The following FHOD3 variants were observed in gnomAD, a reference collection of about 807,000 sequenced individuals.
FHOD3 encodes the protein formin homology 2 domain containing 3, also known as FH1/FH2 domain-containing protein 3.
A neutral mutation model predicts 173.0 loss-of-function variants in FHOD3; 90 were observed. That is an observed-to-expected ratio of 0.52 (90% CI 0.44 to 0.62). FHOD3 has a LOEUF of 0.62. Among genes scored for constraint, FHOD3 ranks in the 20% least tolerant of loss-of-function variants. The pLI, the probability that FHOD3 is intolerant of heterozygous loss-of-function variation, is 0.00. For missense variants in FHOD3, 1,945 were observed against 2,034.7 expected (o/e 0.96, Z 0.85); for synonymous variants, 828 against 823.0 (o/e 1.01, Z -0.10).
chr18:36,706,598 T>A (rs1600334887), intron 17 of FHOD3, among the ~76,000 whole-genome samples: 1 of 152,194 alleles, frequency 6.6e-6, no homozygotes, highest in African/African-American at 2.4e-5. Flanking sequence ...GAGTCCTGCA[T>A]GTTCAGTGGA....
chr18:36,309,078 G>A (rs1413124102), intron 1 of FHOD3, among the ~76,000 whole-genome samples: 1 of 152,166 alleles, frequency 6.6e-6, no homozygotes, highest in African/African-American at 2.4e-5. Flanking sequence ...TGCTGTCCTG[G>A]ATGGTGTGGG....
chr18:36,327,591 T>C (rs974175748), intron 1 of FHOD3, among the ~76,000 whole-genome samples: 1 of 152,204 alleles, frequency 6.6e-6, no homozygotes, highest in African/African-American at 2.4e-5. Flanking sequence ...ACACAGCTGG[T>C]GAACAGCAGT....
intron 2 of FHOD3, among the ~76,000 whole-genome samples, chr18:36,367,369 G>T (rs1234709855): frequency 6.6e-6 from 1 of 152,176 alleles, no homozygotes; most frequent in Non-Finnish European, 1.5e-5. Flanking sequence ...AAGAGTGGCT[G>T]TTCAGAAGCT....
chr18:36,579,166 C>T (rs1037306457), intron 6 of FHOD3, among the ~76,000 whole-genome samples: 3 of 152,114 alleles, frequency 2.0e-5, no homozygotes, highest in Admixed American at 6.5e-5. Flanking sequence ...TCATTTGGAA[C>T]CTGCTCCCTC....
chr18:36,490,626 A>C (rs921604116), intron 3 of FHOD3, among the ~76,000 whole-genome samples: 1 of 152,164 alleles, frequency 6.6e-6, no homozygotes, highest in Non-Finnish European at 1.5e-5. Context: ...GGGCTCCTTC[A>C]TTTGACACCT....
intron 14 of FHOD3, among the ~76,000 whole-genome samples, chr18:36,668,125 A>G (rs1269381130): frequency 4.6e-5 from 7 of 152,168 alleles, no homozygotes; most frequent in Non-Finnish European, 1.0e-4. Flanking sequence ...AGAATTCACC[A>G]TGAGGACATC....
chr18:36,434,318 A>G (rs972275260), intron 3 of FHOD3, among the ~76,000 whole-genome samples: 2 of 152,206 alleles, frequency 1.3e-5, no homozygotes, highest in South Asian at 2.1e-4. Flanking sequence ...TGGAAATACT[A>G]TCTTTTCCTG....
chr18:36,567,727 T>A (rs2058314849), intron 5 of FHOD3, among the ~76,000 whole-genome samples: 1 of 152,176 alleles, frequency 6.6e-6, no homozygotes. Flanking sequence ...AACCCAGAAG[T>A]GGACTTGGGT....
chr18:36,338,715 C>T (rs1453428799), intron 1 of FHOD3, among the ~76,000 whole-genome samples: 1 of 152,098 alleles, frequency 6.6e-6, no homozygotes, highest in Non-Finnish European at 1.5e-5. Flanking sequence ...AAAGCTTTTC[C>T]TAGAAGTCCG....
intron 6 of FHOD3, among the ~76,000 whole-genome samples, chr18:36,579,943 GAA>G (rs371900955): frequency 7.0e-6 from 1 of 141,966 alleles, no homozygotes; most frequent in African/African-American, 2.6e-5. Context: ...GAGCAGCAGA[GAA>G]AAAAAAAAAC....
intron 6 of FHOD3, among the ~76,000 whole-genome samples, chr18:36,587,049 C>T (rs78389707): frequency 0.012 from 1,876 of 152,182 alleles, 35 homozygotes; most frequent in African/African-American, 0.043. Flanking sequence ...AAATCAGCTC[C>T]TCAGTTCGAG....
At chr18:36,372,130 A>C (rs577039478) in intron 2 of FHOD3, among the ~76,000 whole-genome samples, 1 of 152,276 alleles carries the variant, frequency 6.6e-6, no homozygotes, top group East Asian at 1.9e-4. Flanking sequence ...TGTGGTGTAA[A>C]TTGACGTTTC....
chr18:36,393,062 G>A (rs1404159410), intron 3 of FHOD3, among the ~76,000 whole-genome samples: 2 of 152,208 alleles, frequency 1.3e-5, no homozygotes, highest in Non-Finnish European at 2.9e-5. Flanking sequence ...GAGAAAGAAA[G>A]ATTAAAATTA....
At chr18:36,419,947 C>T (rs1425931221) in intron 3 of FHOD3, among the ~76,000 whole-genome samples, 1 of 152,254 alleles carries the variant, frequency 6.6e-6, no homozygotes, top group Admixed American at 6.5e-5. Flanking sequence ...AAAGCTTTGC[C>T]ACTTCCTTGA....
intron 18 of FHOD3, among the ~76,000 whole-genome samples, chr18:36,715,834 T>C (rs1032902486): frequency 8.5e-5 from 13 of 152,130 alleles, no homozygotes; most frequent in African/African-American, 3.1e-4. Flanking sequence ...GAAGATATGG[T>C]TTGAGTAAAG....
chr18:36,653,826 T>A (rs2036229976), intron 13 of FHOD3, among the ~76,000 whole-genome samples: 1 of 152,236 alleles, frequency 6.6e-6, no homozygotes, highest in African/African-American at 2.4e-5. Flanking sequence ...TGACATTTAT[T>A]GAGCATTGTT....
intron 27 of FHOD3, among the ~76,000 whole-genome samples, chr18:36,763,706 A>G (rs1417708087): frequency 6.6e-6 from 1 of 151,160 alleles, no homozygotes; most frequent in Non-Finnish European, 1.5e-5. Flanking sequence ...ATATATATGT[A>G]TGGATTCTAC....
chr18:36,460,070 G>T (rs2052460295), intron 3 of FHOD3, among the ~76,000 whole-genome samples: 1 of 152,170 alleles, frequency 6.6e-6, no homozygotes, highest in South Asian at 2.1e-4. Context: ...TTAGAATGGG[G>T]TTATATGCTT....
At chr18:36,452,826 A>T (rs575994071) in intron 3 of FHOD3, among the ~76,000 whole-genome samples, 13 of 151,872 alleles carry the variant, frequency 8.6e-5, no homozygotes, top group Non-Finnish European at 1.6e-4. Context: ...GTGTATATAT[A>T]TGTGTGTGTA....
Sources: allele counts gnomAD v4.1 joint callset (sites outside exome capture counted in the v4.1 genomes callset), GRCh38; gene constraint gnomAD v4.1.1; transcripts MANE v1.5; gene names NCBI Gene and HGNC (gene_info 2026-07-23, HGNC 2026-07-21).